The following UBA6 variants were observed in gnomAD, a reference collection of about 807,000 sequenced individuals.
The protein encoded by UBA6 is ubiquitin like modifier activating enzyme 6, also known as ubiquitin-like modifier-activating enzyme 6.
UBA6 carries 87 observed loss-of-function variants against 148.3 expected under a neutral mutation model. That is an observed-to-expected ratio of 0.59 (90% CI 0.49 to 0.70). The LOEUF is 0.70. Ranked by LOEUF, UBA6 falls within the 30% of genes least tolerant of loss-of-function variation. The pLI, the probability that UBA6 is intolerant of heterozygous loss-of-function variation, is 0.00. For missense variants in UBA6, 1,186 were observed against 1,241.2 expected, an observed-to-expected ratio of 0.96 and a Z score of 0.67; for synonymous variants, 376 against 401.0, an observed-to-expected ratio of 0.94 and a Z score of 0.75.
Position 67,634,509 on chromosome 4 carries a change from G to A in UBA6, c.1852C>T (p.Pro618Ser). ...GTACAAAATGGTATTTCCTCTTCTG[G>A]GGGATCCCGCTAATTTATAAAATAT... ...TESYNSHRDPPEEEIPFCTLK... is the reference protein window; with the variant it reads ...TESYNSHRDPSEEEIPFCTLK... The change falls in exon 21 of 33, where the codon CCA becomes TCA. Residue 618 changes from proline (P) to serine (S), a missense_variant. Transcript: ENST00000322244. 6.4e-6 allele frequency: 10 copies of A among 1,567,190 alleles called. No homozygotes were observed. The highest frequency in any genetic ancestry group is 7.7e-6 in the Non-Finnish European group (9 of 1,164,834).
chr4:67,693,538 T>G (rs1044884877), intron 2 of UBA6, among the ~76,000 whole-genome samples: 1 of 152,170 alleles, frequency 6.6e-6, no homozygotes, highest in Non-Finnish European at 1.5e-5. Flanking sequence ...ATTGTTCAAG[T>G]GTCAACTATA....
chr4:67,635,367 T>C (rs1310802261), intron 20 of UBA6, 86 bp downstream of exon 20: 18 of 797,214 alleles, frequency 2.3e-5, no homozygotes, highest in Admixed American at 1.1e-4. Context: ...ATCAGAAGGA[T>C]TAGGAAAGCT....
intron 22 of UBA6, among the ~76,000 whole-genome samples, 184 bp downstream of exon 22, chr4:67,634,058 C>A (rs569856023): frequency 6.6e-6 from 1 of 152,088 alleles, no homozygotes; most frequent in African/African-American, 2.4e-5. Context: ...ATCGACAATT[C>A]CATGTAGTTC....
At position 67,699,002 on chromosome 4, in the gene UBA6, GAATA is replaced by G. The variant is rs869097130; in HGVS notation, c.71+2043_71+2046del. ...ACAAAACAAAAAAACCCTGTTAAATGAATAAATTTTAAAGGAAAAAAACTAATCT... is the reference window on the plus strand; with the variant it reads ...ACAAAACAAAAAAACCCTGTTAAATGAATTTTAAAGGAAAAAAACTAATCT... On this transcript the variant is annotated intron_variant, in intron 1 of 32. Transcript: ENST00000322244. 3.9e-5 allele frequency among the ~76,000 whole-genome samples: 6 copies of G among 151,970 alleles called. 2 individuals are homozygous for G. Among genetic ancestry groups the G allele is most frequent in the African/African-American group, 1.4e-4 (6 of 41,486 alleles).
At chr4:67,644,860 A>AT in intron 16 of UBA6, 82 bp from the exon 17 acceptor site, 1 of 657,928 alleles carries the variant, frequency 1.5e-6, no homozygotes, top group South Asian at 2.3e-5. Context: ...TAACAGGTTT[A>AT]TTTTACCACT....
At chr4:67,664,482 C>T (rs896029170) in intron 10 of UBA6, among the ~76,000 whole-genome samples, 5 of 151,360 alleles carry the variant, frequency 3.3e-5, no homozygotes, top group Non-Finnish European at 7.4e-5. Flanking sequence ...GCCTTGTAAA[C>T]GACTGGAGTT....
intron 9 of UBA6, 139 bp from the exon 10 acceptor site, chr4:67,665,431 GTTTTT>G (rs71269059): frequency 3.4e-4 from 116 of 344,770 alleles, no homozygotes; most frequent in East Asian, 1.5e-3. Flanking sequence ...TTGTTTGTTT[GTTTTT>G]TTTTTTTTTT....
intron 13 of UBA6, among the ~76,000 whole-genome samples, chr4:67,654,055 G>A (rs971642035): frequency 5.9e-5 from 9 of 152,130 alleles, no homozygotes; most frequent in Non-Finnish European, 1.0e-4. Context: ...CCAAATCTGC[G>A]TTTGACTGGT....
intron 20 of UBA6, 148 bp from the exon 21 acceptor site, chr4:67,634,666 CAA>C: frequency 1.9e-6 from 1 of 526,994 alleles, no homozygotes; most frequent in Non-Finnish European, 3.2e-6. Context: ...CTCTCTTAGG[CAA>C]TAAGAGAAGT....
At chr4:67,681,295 A>C (rs1312069729) in intron 4 of UBA6, among the ~76,000 whole-genome samples, 2 of 152,202 alleles carry the variant, frequency 1.3e-5, no homozygotes, top group Admixed American at 6.5e-5. Flanking sequence ...TTACATCAAA[A>C]TAATTTGGCA....
At position 67,701,135 on chromosome 4, in the gene UBA6, C is replaced by G. The variant is rs1451331301; in HGVS notation, c.-16G>C. The G allele has an allele frequency of 6.2e-7, 1 of 1,611,270 alleles. No homozygotes were observed. Among genetic ancestry groups the G allele is most frequent in the African/African-American group, 1.3e-5 (1 of 74,860 alleles). ...ATCCTTCCATTGCCGCCTGAGACACCGCCGCCGGCTACTGGAAGGTAGGAA... is the reference window on the plus strand; with the variant it reads ...ATCCTTCCATTGCCGCCTGAGACACGGCCGCCGGCTACTGGAAGGTAGGAA... On this transcript the variant is annotated 5_prime_UTR_variant, in exon 1 of 33. Transcript: ENST00000322244.
At chr4:67,664,633 T>G (rs1729946232) in intron 10 of UBA6, among the ~76,000 whole-genome samples, 1 of 152,124 alleles carries the variant, frequency 6.6e-6, no homozygotes, top group African/African-American at 2.4e-5. Flanking sequence ...TGACACCACA[T>G]TCTCTATATT....
Position 67,635,572 on chromosome 4 carries a change from C to T in UBA6, c.1737-14G>A, listed in dbSNP as rs2109906233. On this transcript the variant is annotated splice_polypyrimidine_tract_variant and intron_variant, in intron 19 of 32. Transcript: ENST00000322244. ...GCTAAGCAACGACTATTTGAAAAGA[C>T]AGCAAGTAAAAAACAAAAAAGTGAG... is the stretch of plus-strand genomic sequence containing the variant. The T allele has an allele frequency of 1.9e-6, 3 of 1,572,074 alleles. No homozygotes were observed. The highest frequency in any genetic ancestry group is 1.7e-6 in the Non-Finnish European group (2 of 1,144,024).
rs1297851140 is a variant in UBA6 at position 67,668,697 on chromosome 4, A to T, written c.670-23T>A. The T allele has an allele frequency of 1.1e-5, 18 of 1,591,690 alleles. No individual in the cohort carries two copies. The African/African-American group carries it at 1.8e-4, about 16-fold the overall frequency. ...TGCCTAAAAATAAGAGTAATCTATT[A>T]AAAAAGAACTTCTTTTTTGTATTCT... On this transcript the variant is annotated intron_variant, in intron 8 of 32. Coordinates refer to ENST00000322244, the MANE Select transcript of UBA6 (RefSeq NM_018227.6).
chr4:67,675,964 TTTTG>T (rs1434894307), intron 6 of UBA6, among the ~76,000 whole-genome samples: 1 of 152,050 alleles, frequency 6.6e-6, no homozygotes. Flanking sequence ...ATTTGTTTAA[TTTTG>T]TTTTTGTCTG....
At chr4:67,638,873 A>G (rs891667121) in intron 19 of UBA6, 70 bp downstream of exon 19, 11 of 1,185,244 alleles carry the variant, frequency 9.3e-6, no homozygotes, top group Middle Eastern at 5.2e-4. Flanking sequence ...TAACTTTTCA[A>G]TAAGTAATGT....
chr4:67,660,070 T>C (rs1006312219), intron 13 of UBA6, among the ~76,000 whole-genome samples: 1 of 152,178 alleles, frequency 6.6e-6, no homozygotes, highest in Non-Finnish European at 1.5e-5. Flanking sequence ...TTGGGTGCTC[T>C]TAAAAGCATT....
At chr4:67,646,375 G>T (rs979786378) in intron 15 of UBA6, among the ~76,000 whole-genome samples, 1 of 152,132 alleles carries the variant, frequency 6.6e-6, no homozygotes, top group Non-Finnish European at 1.5e-5. Context: ...GTATTTTAGG[G>T]AGAATAATTC....
chr4:67,647,970 T>TC (rs1729460800), intron 14 of UBA6, among the ~76,000 whole-genome samples: 1 of 151,220 alleles, frequency 6.6e-6, no homozygotes. Flanking sequence ...AGAAGGGGTT[T>TC]CACCATGTTA....
Sources: gnomAD v4.1 joint callset for allele counts (sites outside exome capture counted in the v4.1 genomes callset) on GRCh38, gnomAD v4.1.1 for gene constraint, MANE v1.5 for transcripts, NCBI Gene and HGNC (gene_info 2026-07-23, HGNC 2026-07-21) for gene names.